VPS54: variants seen among roughly 807,000 people sequenced by gnomAD.
VPS54 encodes the protein VPS54 subunit of GARP complex.
Under a neutral mutation model 121.5 loss-of-function variants are expected in VPS54, and 45 were observed. The ratio of observed to expected loss-of-function variants is 0.37; its 90% CI spans 0.29 to 0.47. The LOEUF (loss-of-function observed/expected upper bound fraction) is 0.47, where lower values mean the gene tolerates loss of function less well. Ranked by LOEUF, VPS54 falls within the 20% of genes least tolerant of loss-of-function variation. VPS54 has a pLI of 0.99. For synonymous variants in VPS54, 371 were observed against 385.8 expected (o/e 0.96, Z 0.45); for missense variants, 1,090 against 1,131.4 (o/e 0.96, Z 0.52).
intron 20 of VPS54, among the ~76,000 whole-genome samples, chr2:63,912,047 TC>T: frequency 6.6e-6 from 1 of 152,172 alleles, no homozygotes; most frequent in Non-Finnish European, 1.5e-5. Flanking sequence ...GAATCATCTC[TC>T]CTACTCCTGC....
At chr2:63,997,542 G>A (rs1021210937) in intron 1 of VPS54, among the ~76,000 whole-genome samples, 3 of 152,028 alleles carry the variant, frequency 2.0e-5, no homozygotes, top group African/African-American at 7.2e-5. Context: ...ATCGGTTTTA[G>A]CATCTCCTTT....
chr2:63,907,832 T>C (rs977826604), intron 20 of VPS54, among the ~76,000 whole-genome samples: 2 of 152,270 alleles, frequency 1.3e-5, no homozygotes, highest in South Asian at 4.1e-4. Context: ...ATGCTTAACA[T>C]ATCTGTAATT....
intron 1 of VPS54, among the ~76,000 whole-genome samples, chr2:63,989,447 T>C (rs1406788582): frequency 6.6e-6 from 1 of 152,134 alleles, no homozygotes; most frequent in Admixed American, 6.5e-5. Flanking sequence ...CTAAAATTTC[T>C]CTCTTTTGTA....
intron 1 of VPS54, among the ~76,000 whole-genome samples, chr2:64,005,991 C>CT (rs1678124800): frequency 6.6e-6 from 1 of 152,088 alleles, no homozygotes; most frequent in African/African-American, 2.4e-5. Flanking sequence ...ATGAGATAGT[C>CT]TATTAAGAAA....
chr2:64,010,329 C>CA lies in VPS54; in HGVS notation c.-21+8608dup, dbSNP rs564300699. On this transcript the variant is annotated intron_variant, in intron 1 of 22. Coordinates refer to ENST00000272322, the MANE Select transcript of VPS54 (RefSeq NM_016516.3). ...TGACTGCTGTTTTTTTAAAAGCAAA[C>CA]AAAAAAATCTCAAATTTCATTTCTC... Among the ~76,000 whole-genome samples, 95 of 151,904 alleles carry CA rather than the reference C, an allele frequency of 6.3e-4. 1 individual carries two copies. The highest frequency in any genetic ancestry group is 2.1e-4 in the South Asian group (1 of 4,814).
At position 63,985,180 on chromosome 2, in the gene VPS54, C is replaced by T. The variant is rs138123547; in HGVS notation, c.-20-1161G>A. ...ATAAAAATTACAAAAATTAGCTGGG[C>T]GTGGTGGTGCATGCCTGTAGTCCAG... is the stretch of plus-strand genomic sequence containing the variant. On this transcript the variant is annotated intron_variant, in intron 1 of 22. Transcript: ENST00000272322. Among the ~76,000 whole-genome samples the T allele has an allele frequency of 6.3e-3, 950 of 151,982 alleles. 10 individuals are homozygous for T. Among genetic ancestry groups the T allele is most frequent in the African/African-American group, 0.022 (918 of 41,446 alleles).
chr2:63,922,446 C>T (rs901905389), intron 12 of VPS54, among the ~76,000 whole-genome samples: 2 of 152,174 alleles, frequency 1.3e-5, no homozygotes, highest in South Asian at 4.1e-4. Context: ...TACCTGCTAT[C>T]CTTCAAAATC....
intron 8 of VPS54, 65 bp from the exon 9 acceptor site, chr2:63,947,555 A>G: frequency 8.0e-7 from 1 of 1,249,558 alleles, no homozygotes; most frequent in Non-Finnish European, 1.1e-6. Context: ...AGAGGTAGAA[A>G]TATTCAGCAT....
chr2:63,920,675 A>G, intron 13 of VPS54, 48 bp from the exon 14 acceptor site: 1 of 1,186,342 alleles, frequency 8.4e-7, no homozygotes, highest in African/African-American at 1.6e-5. Context: ...CACCAAATTG[A>G]GTTATGAAAC....
chr2:63,970,091 T>C (rs1676195108), intron 4 of VPS54, among the ~76,000 whole-genome samples: 1 of 151,590 alleles, frequency 6.6e-6, no homozygotes, highest in Non-Finnish European at 1.5e-5. Flanking sequence ...CTGCCTCTGC[T>C]GTGAGCTTGG....
chr2:63,933,729 A>C lies in VPS54; in HGVS notation c.1683T>G (p.Ser561=). Residue 561 remains serine, a synonymous_variant, in exon 12 of 23, where the codon TCT becomes TCG. Coordinates refer to ENST00000272322, the MANE Select transcript of VPS54 (RefSeq NM_016516.3). ...ATGATGTGTGCTCTTTGCTGGATGAAGAATCAGTAGTACATTCTGGCTCGG... is the reference window on the plus strand; with the variant it reads ...ATGATGTGTGCTCTTTGCTGGATGACGAATCAGTAGTACATTCTGGCTCGG... ...SVSEPECTTD[S]SSSKEHTSSS... is the part of the protein sequence containing the mutation. 6.2e-7 allele frequency: 1 copy of C among 1,613,790 alleles called. No homozygotes were observed. The highest frequency in any genetic ancestry group is 1.1e-5 in the South Asian group (1 of 91,080).
chr2:64,015,744 T>A (rs1244542743), intron 1 of VPS54, among the ~76,000 whole-genome samples: 1 of 149,478 alleles, frequency 6.7e-6, no homozygotes, highest in Non-Finnish European at 1.5e-5. Flanking sequence ...TTAATTATAT[T>A]TTTTTAAAAT....
intron 1 of VPS54, among the ~76,000 whole-genome samples, chr2:63,996,581 A>G (rs1036957457): frequency 2.0e-5 from 3 of 152,220 alleles, no homozygotes; most frequent in Non-Finnish European, 4.4e-5. Context: ...ACAGAGCCAT[A>G]TTTCTCTTAT....
chr2:63,914,116 T>A, intron 17 of VPS54, 66 bp downstream of exon 17: 1 of 1,263,396 alleles, frequency 7.9e-7, no homozygotes, highest in Non-Finnish European at 1.1e-6. Context: ...TGAGTTAAGA[T>A]TAGTCACACC....
Position 63,897,579 on chromosome 2 carries a change from TAAA to T in VPS54, c.2742_2744del (p.Phe914del). The T allele has an allele frequency of 6.5e-7, 1 of 1,547,390 alleles. No individual in the cohort carries two copies. Among genetic ancestry groups the T allele is most frequent in the Non-Finnish European group, 8.8e-7 (1 of 1,130,800 alleles). On this transcript the variant is annotated inframe_deletion, in exon 22 of 23. Coordinates refer to ENST00000272322, the MANE Select transcript of VPS54 (RefSeq NM_016516.3). The stretch of plus-strand genomic sequence containing the variant: ...GGAGTTTATAACTTGCATTAATTCT[TAAA>T]AATAACATCTGAAAAAGAAATAAAA...
At chr2:63,930,983 A>G (rs1430028475) in intron 12 of VPS54, among the ~76,000 whole-genome samples, 1 of 152,218 alleles carries the variant, frequency 6.6e-6, no homozygotes, top group Non-Finnish European at 1.5e-5. Context: ...CTTCAAGGAG[A>G]ACTACAAACC....
At chr2:63,938,410 T>C (rs1158306428) in intron 11 of VPS54, among the ~76,000 whole-genome samples, 2 of 152,112 alleles carry the variant, frequency 1.3e-5, no homozygotes, top group Non-Finnish European at 2.9e-5. Flanking sequence ...GCTGGTCACC[T>C]GAAAGACTAA....
intron 12 of VPS54, among the ~76,000 whole-genome samples, chr2:63,933,051 G>T (rs1674286495): frequency 6.6e-6 from 1 of 152,070 alleles, no homozygotes; most frequent in Admixed American, 6.6e-5. Flanking sequence ...GACAGAAAGA[G>T]AAAAAGAGAG....
At chr2:64,002,557 A>C (rs1216164315) in intron 1 of VPS54, among the ~76,000 whole-genome samples, 2 of 152,220 alleles carry the variant, frequency 1.3e-5, no homozygotes, top group Non-Finnish European at 1.5e-5. Context: ...TACTATGTTG[A>C]TATCTTGATT....
Sources: gnomAD v4.1 joint callset for allele counts (sites outside exome capture counted in the v4.1 genomes callset) on GRCh38, gnomAD v4.1.1 for gene constraint, MANE v1.5 for transcripts, NCBI Gene and HGNC (gene_info 2026-07-23, HGNC 2026-07-21) for gene names.